Variants in LPAR3 observed in about 807,000 individuals in gnomAD.
LPAR3 encodes the protein lysophosphatidic acid receptor 3.
A neutral mutation model predicts 17.8 loss-of-function variants in LPAR3; 7 were observed. The ratio of observed to expected loss-of-function variants is 0.39; its 90% CI spans 0.22 to 0.74. The LOEUF (loss-of-function observed/expected upper bound fraction) is 0.74, where lower values mean the gene tolerates loss of function less well. LPAR3 is among the 30% of genes least tolerant of loss of function. The probability of loss-of-function intolerance (pLI) is 0.40; values close to 1 mark genes in which losing one functional copy is unlikely to be tolerated. For missense variants in LPAR3, 391 were observed against 453.4 expected (o/e 0.86, Z 1.25); for synonymous variants, 179 against 179.9 (o/e 0.99, Z 0.04).
chr1:84,813,152 T>TAGAGAGAGAGAGAG lies in LPAR3; in HGVS notation c.*693_*694insCTCTCTCTCTCTCT, dbSNP rs1436277643. On this transcript the variant is annotated 3_prime_UTR_variant, in exon 3 of 3. Transcript: ENST00000370611. ...ATATATATATATATATATATATATA[T>TAGAGAGAGAGAGAG]ATATATAGACACACACACACACACA... is the stretch of plus-strand genomic sequence containing the variant. The TAGAGAGAGAGAGAG allele has an allele frequency of 3.7e-4, 41 of 110,848 alleles. No individual in the cohort carries two copies. The highest frequency in any genetic ancestry group is 3.5e-3 in the East Asian group (11 of 3,182). The allele number at this position is 110,848 out of a possible 1,614,324, so 6.9% of individuals were successfully genotyped here. A position where few individuals can be genotyped will look rare whatever the true frequency, so the allele number is the denominator to read the frequency against.
intron 2 of LPAR3, among the ~76,000 whole-genome samples, chr1:84,828,093 C>A (rs186558396): frequency 6.6e-6 from 1 of 152,076 alleles, no homozygotes; most frequent in Admixed American, 6.5e-5. Context: ...TGGACACTAC[C>A]GGGAAAACAC....
At chr1:84,877,743 C>T (rs1156446113) in intron 1 of LPAR3, among the ~76,000 whole-genome samples, 1 of 152,158 alleles carries the variant, frequency 6.6e-6, no homozygotes, top group Non-Finnish European at 1.5e-5. Flanking sequence ...AGTCCCCTGA[C>T]ATTGCACTGT....
intron 2 of LPAR3, among the ~76,000 whole-genome samples, chr1:84,864,211 C>CAA (rs111255790): frequency 8.3e-6 from 1 of 120,816 alleles, no homozygotes; most frequent in Non-Finnish European, 1.8e-5. Flanking sequence ...GGTCCTGTCT[C>CAA]AAAAAAAAAA....
chr1:84,865,439 T>G lies in LPAR3; in HGVS notation c.682A>C (p.Ile228Leu). ...NVLSPHTSGS[I>L]SRRRTPMKLM... ...TTCATGGGTGTCCTCCGGCGGCTGA[T>G]GGACCCACTTGTATGCGGAGACAAG... The change falls in exon 2 of 3, where the codon ATC (isoleucine) becomes CTC (leucine). Residue 228 changes from isoleucine (I) to leucine (L), a missense_variant. Physicochemically the swap from Ile to Leu is conservative, Grantham distance 5 (BLOSUM62 2). Transcript: ENST00000370611. 1 of 1,614,194 alleles carries G rather than the reference T, an allele frequency of 6.2e-7. No individual in the cohort carries two copies.
intron 1 of LPAR3, among the ~76,000 whole-genome samples, chr1:84,878,379 C>T (rs1309018617): frequency 1.4e-4 from 22 of 152,110 alleles, no homozygotes; most frequent in Admixed American, 1.0e-3. Flanking sequence ...TCTTGAATTG[C>T]AGACACTTCC....
chr1:84,885,158 C>T (rs1465861163), intron 1 of LPAR3, among the ~76,000 whole-genome samples: 4 of 152,150 alleles, frequency 2.6e-5, no homozygotes, highest in African/African-American at 9.7e-5. Context: ...CGGGCAGAGG[C>T]CAGGAATGCT....
At chr1:84,826,672 C>T (rs899084821) in intron 2 of LPAR3, among the ~76,000 whole-genome samples, 9 of 150,986 alleles carry the variant, frequency 6.0e-5, no homozygotes, top group Admixed American at 2.6e-4. Flanking sequence ...ATTCTGACTA[C>T]ATTAATTCAC....
intron 2 of LPAR3, among the ~76,000 whole-genome samples, chr1:84,860,328 A>G (rs538877568): frequency 2.0e-5 from 3 of 152,318 alleles, no homozygotes; most frequent in African/African-American, 7.2e-5. Context: ...TCTCCTTCCA[A>G]AGAGGATAGC....
intron 1 of LPAR3, among the ~76,000 whole-genome samples, chr1:84,884,268 T>C (rs1451396422): frequency 6.6e-6 from 1 of 152,236 alleles, no homozygotes; most frequent in Non-Finnish European, 1.5e-5. Flanking sequence ...GGGATAAATA[T>C]GTCTGCTTTT....
At chr1:84,818,404 G>A (rs949685422) in intron 2 of LPAR3, among the ~76,000 whole-genome samples, 9 of 152,066 alleles carry the variant, frequency 5.9e-5, no homozygotes, top group African/African-American at 1.7e-4. Context: ...AAAAAATCAC[G>A]TCATTAAAGA....
At chr1:84,872,295 C>T (rs1459238554) in intron 1 of LPAR3, among the ~76,000 whole-genome samples, 1 of 152,164 alleles carries the variant, frequency 6.6e-6, no homozygotes, top group Admixed American at 6.5e-5. Flanking sequence ...TAATTTGGGT[C>T]TCACAACCCA....
chr1:84,860,144 G>A (rs997333795), intron 2 of LPAR3, among the ~76,000 whole-genome samples: 4 of 152,158 alleles, frequency 2.6e-5, no homozygotes, highest in African/African-American at 9.7e-5. Flanking sequence ...GCTGAAACGG[G>A]AACATGATGC....
At chr1:84,872,806 AG>A (rs1167961088) in intron 1 of LPAR3, among the ~76,000 whole-genome samples, 1 of 152,170 alleles carries the variant, frequency 6.6e-6, no homozygotes, top group East Asian at 1.9e-4. Flanking sequence ...ACGTCTCAGC[AG>A]AGAAACTTGA....
chr1:84,826,857 T>C lies in LPAR3; in HGVS notation c.737-12686A>G, dbSNP rs533221003. 2.0e-5 allele frequency among the ~76,000 whole-genome samples: 3 copies of C among 152,336 alleles called. No homozygotes were observed. In the East Asian group the frequency reaches 5.8e-4, roughly 29 times the overall value. On this transcript the variant is annotated intron_variant, in intron 2 of 2. Coordinates refer to ENST00000370611, the MANE Select transcript of LPAR3 (RefSeq NM_012152.3). Reference sequence around the variant, plus strand: ...TTCTCTTAATTTTTTGCCATAAGCATGTCTTTCTTTTAAGTAATACATCTT... The same window carrying C: ...TTCTCTTAATTTTTTGCCATAAGCACGTCTTTCTTTTAAGTAATACATCTT...
intron 2 of LPAR3, among the ~76,000 whole-genome samples, chr1:84,850,413 A>G (rs1321053310): frequency 1.3e-5 from 2 of 148,306 alleles, no homozygotes; most frequent in African/African-American, 4.9e-5. Context: ...AAAAAAAAAA[A>G]AAAAGAAAAA....
chr1:84,845,149 G>T lies in LPAR3; in HGVS notation c.736+20236C>A, dbSNP rs1409215. Reference sequence around the variant, plus strand: ...CCTGATCCATAAAATGAGGCTAAAAGTGCTTTTCCTTCTACTGCTTAGGGT... The same window carrying T: ...CCTGATCCATAAAATGAGGCTAAAATTGCTTTTCCTTCTACTGCTTAGGGT... On this transcript the variant is annotated intron_variant, in intron 2 of 2. Transcript: ENST00000370611. 4.6e-3 allele frequency among the ~76,000 whole-genome samples: 703 copies of T among 152,190 alleles called. 5 individuals are homozygous for T. Among genetic ancestry groups the T allele is most frequent in the South Asian group, 0.015 (70 of 4,820 alleles).
intron 1 of LPAR3, among the ~76,000 whole-genome samples, chr1:84,885,002 T>A (rs531763690): frequency 1.3e-5 from 2 of 152,290 alleles, no homozygotes; most frequent in East Asian, 1.9e-4. Context: ...CATGAAGACA[T>A]GTGTAAAGAT....
At chr1:84,861,480 A>G (rs1659939488) in intron 2 of LPAR3, among the ~76,000 whole-genome samples, 1 of 152,148 alleles carries the variant, frequency 6.6e-6, no homozygotes, top group Non-Finnish European at 1.5e-5. Context: ...AACTGTCATA[A>G]AGGATAATTG....
intron 1 of LPAR3, among the ~76,000 whole-genome samples, chr1:84,879,316 C>CTTTTTTTCTT (rs1660318632): frequency 5.0e-5 from 6 of 120,602 alleles, no homozygotes; most frequent in African/African-American, 2.1e-4. Context: ...TTTCTTTTTT[C>CTTTTTTTCTT]TTTTTTTTTT....
Sources: allele counts gnomAD v4.1 joint callset (sites outside exome capture counted in the v4.1 genomes callset), GRCh38; gene constraint gnomAD v4.1.1; transcripts MANE v1.5; gene names NCBI Gene and HGNC (gene_info 2026-07-23, HGNC 2026-07-21).